CNOT6L: variants seen among roughly 807,000 people sequenced by gnomAD.
The protein encoded by CNOT6L is CCR4-NOT transcription complex subunit 6 like.
Under a neutral mutation model 64.0 loss-of-function variants are expected in CNOT6L, and 7 were observed. That is an observed-to-expected ratio of 0.11 (90% confidence interval 0.06 to 0.21). CNOT6L has a LOEUF of 0.21. Ranked by LOEUF, CNOT6L falls within the 10% of genes least tolerant of loss-of-function variation. CNOT6L has a pLI of 1.00. For missense variants in CNOT6L, 245 were observed against 669.0 expected (o/e 0.37, Z 6.99); for synonymous variants, 193 against 243.4 (o/e 0.79, Z 1.93).
intron 9 of CNOT6L, 71 bp from the exon 10 acceptor site, chr4:77,729,152 T>C: frequency 9.1e-7 from 1 of 1,099,308 alleles, no homozygotes; most frequent in Admixed American, 1.8e-5. Context: ...ATCCTCAGGT[T>C]TTCTCAATAT....
In CNOT6L at chr4:77,731,481, T is replaced by C. The variant is rs1001962317; in HGVS notation, c.930A>G (p.Ser310=). Reference sequence around the variant, plus strand: ...TGTTCAGCATAGCTTCGGATCCATCTGAATTAGCCATCGCCACTTGGTTAA... The same window carrying C: ...TGTTCAGCATAGCTTCGGATCCATCCGAATTAGCCATCGCCACTTGGTTAA... ...VEFNQVAMAN[S]DGSEAMLNRV... The change falls in exon 9 of 12, where the codon TCA becomes TCG. Residue 310 remains serine, a synonymous_variant. Transcript: ENST00000504123. 25 of 1,607,594 alleles carry C rather than the reference T, an allele frequency of 1.6e-5. No individual in the cohort carries two copies. Among genetic ancestry groups the C allele is most frequent in the Non-Finnish European group, 1.8e-5 (21 of 1,177,522 alleles).
intron 1 of CNOT6L, among the ~76,000 whole-genome samples, chr4:77,792,613 C>T (rs1318464000): frequency 6.6e-6 from 1 of 151,058 alleles, no homozygotes; most frequent in Non-Finnish European, 1.5e-5. Flanking sequence ...GTAATTCCAG[C>T]TAACTGAGGG....
intron 1 of CNOT6L, among the ~76,000 whole-genome samples, chr4:77,805,252 A>G (rs1026784939): frequency 2.0e-5 from 3 of 152,182 alleles, no homozygotes; most frequent in African/African-American, 7.2e-5. Flanking sequence ...TTTTTTTTAC[A>G]AAGAGTACAT....
At chr4:77,769,999 T>C (rs1395765787) in intron 4 of CNOT6L, among the ~76,000 whole-genome samples, 1 of 152,042 alleles carries the variant, frequency 6.6e-6, no homozygotes, top group African/African-American at 2.4e-5. Flanking sequence ...ACTTATGCCT[T>C]TTCTTCATAA....
At chr4:77,794,221 G>A (rs1730524796) in intron 1 of CNOT6L, among the ~76,000 whole-genome samples, 1 of 149,044 alleles carries the variant, frequency 6.7e-6, no homozygotes, top group Non-Finnish European at 1.5e-5. Context: ...CTTATAGTCT[G>A]GTAGTTCTCA....
At chr4:77,810,116 A>G (rs1369495185) in intron 1 of CNOT6L, among the ~76,000 whole-genome samples, 2 of 152,124 alleles carry the variant, frequency 1.3e-5, no homozygotes, top group South Asian at 2.1e-4. Context: ...CCACTTTCCA[A>G]TTTCACCTGT....
At chr4:77,811,113 T>C (rs1221842176) in intron 1 of CNOT6L, among the ~76,000 whole-genome samples, 1 of 152,182 alleles carries the variant, frequency 6.6e-6, no homozygotes, top group East Asian at 1.9e-4. Context: ...TATCAAGCTA[T>C]TCAGTAAGAA....
At chr4:77,798,437 A>C (rs1731127084) in intron 1 of CNOT6L, among the ~76,000 whole-genome samples, 1 of 152,246 alleles carries the variant, frequency 6.6e-6, no homozygotes, top group South Asian at 2.1e-4. Flanking sequence ...GTAATAAAAA[A>C]AATTTCTAAT....
chr4:77,778,837 G>T (rs971491584), intron 1 of CNOT6L, among the ~76,000 whole-genome samples: 1 of 151,462 alleles, frequency 6.6e-6, no homozygotes, highest in African/African-American at 2.4e-5. Context: ...AAGGTCAGGA[G>T]ATCGAGACCA....
Position 77,807,774 on chromosome 4 carries a change from T to C in CNOT6L, c.5+11530A>G, listed in dbSNP as rs76498205. ...AAATTTGCATCTTATTTAAAAGTAA[T>C]AGGAAGCAGCAAGATATCTTAGGAA... On this transcript the variant is annotated intron_variant, in intron 1 of 11. Coordinates refer to ENST00000504123, the MANE Select transcript of CNOT6L (RefSeq NM_144571.3). Among the ~76,000 whole-genome samples, 442 of 152,260 alleles carry C rather than the reference T, an allele frequency of 2.9e-3. 3 individuals are homozygous for C. Among genetic ancestry groups the C allele is most frequent in the African/African-American group, 9.9e-3 (411 of 41,534 alleles).
chr4:77,749,435 CAGAA>C (rs1305763563), intron 5 of CNOT6L, among the ~76,000 whole-genome samples: 2 of 152,090 alleles, frequency 1.3e-5, no homozygotes, highest in African/African-American at 2.4e-5. Flanking sequence ...AATATAGAAA[CAGAA>C]AGAGTAAACA....
intron 1 of CNOT6L, among the ~76,000 whole-genome samples, chr4:77,798,203 T>C (rs1306892257): frequency 2.0e-5 from 3 of 152,122 alleles, no homozygotes; most frequent in Non-Finnish European, 4.4e-5. Flanking sequence ...TAGTCCTAGT[T>C]ACTCAGGAGG....
At chr4:77,805,385 A>G (rs1440625837) in intron 1 of CNOT6L, among the ~76,000 whole-genome samples, 1 of 152,188 alleles carries the variant, frequency 6.6e-6, no homozygotes, top group Non-Finnish European at 1.5e-5. Context: ...AAAGGTAATT[A>G]ACCTAGGTTC....
chr4:77,811,923 A>G lies in CNOT6L; in HGVS notation c.5+7381T>C, dbSNP rs148942581. On this transcript the variant is annotated intron_variant, in intron 1 of 11. Transcript: ENST00000504123. Reference sequence around the variant, plus strand: ...CAGCTAACATCTACTTAATGGCAGAAGATGGAATGTTTTCCCCCTAAGACT... The same window carrying G: ...CAGCTAACATCTACTTAATGGCAGAGGATGGAATGTTTTCCCCCTAAGACT... Among the ~76,000 whole-genome samples the G allele has an allele frequency of 3.8e-3, 584 of 152,206 alleles. 4 individuals are homozygous for G. Among genetic ancestry groups the G allele is most frequent in the African/African-American group, 0.013 (556 of 41,532 alleles).
intron 4 of CNOT6L, among the ~76,000 whole-genome samples, chr4:77,770,591 GA>G (rs1196047227): frequency 2.7e-5 from 4 of 146,814 alleles, no homozygotes; most frequent in African/African-American, 1.0e-4. Context: ...AAGAAGTTTA[GA>G]AAAGGGCTAC....
chr4:77,748,492 C>A, intron 5 of CNOT6L, 108 bp from the exon 6 acceptor site: 2 of 737,344 alleles, frequency 2.7e-6, no homozygotes, highest in South Asian at 1.6e-5. Context: ...TAACGGCCTG[C>A]AAACTGACTT....
chr4:77,747,494 G>T (rs748548874), intron 6 of CNOT6L, among the ~76,000 whole-genome samples: 5 of 152,024 alleles, frequency 3.3e-5, no homozygotes, highest in Admixed American at 6.6e-5. Context: ...GTACTATTCT[G>T]TGACTGGTTT....
At chr4:77,756,653 T>A (rs747727853) in intron 5 of CNOT6L, among the ~76,000 whole-genome samples, 54 of 152,174 alleles carry the variant, frequency 3.5e-4, no homozygotes, top group Non-Finnish European at 6.8e-4. Context: ...AACAAAATAA[T>A]GCAACTAATC....
chr4:77,784,610 A>G (rs1306830727), intron 1 of CNOT6L, among the ~76,000 whole-genome samples: 1 of 151,366 alleles, frequency 6.6e-6, no homozygotes, highest in Non-Finnish European at 1.5e-5. Context: ...CAGTCGTCTG[A>G]GTACCGAGGA....
Sources: allele counts gnomAD v4.1 joint callset (sites outside exome capture counted in the v4.1 genomes callset), GRCh38; gene constraint gnomAD v4.1.1; transcripts MANE v1.5; gene names NCBI Gene and HGNC (gene_info 2026-07-23, HGNC 2026-07-21).